AFF2: variants seen among roughly 807,000 people sequenced by gnomAD.
The protein encoded by AFF2 is AF4/FMR2 family member 2.
AFF2 carries 14 observed loss-of-function variants against 76.9 expected under a neutral mutation model. The observed-to-expected ratio is 0.18, with a 90% CI of 0.12 to 0.28. AFF2 has a LOEUF of 0.28. Among genes scored for constraint, AFF2 ranks in the 10% least tolerant of loss-of-function variants. The pLI, the probability that AFF2 is intolerant of heterozygous loss-of-function variation, is 1.00. For synonymous variants in AFF2, 398 were observed against 366.7 expected, an observed-to-expected ratio of 1.09 and a Z score of -0.98; for missense variants, 868 against 1,001.1, an observed-to-expected ratio of 0.87 and a Z score of 1.79.
At chrX:148,514,477 A>G (rs1049323657) in intron 1 of AFF2, among the ~76,000 whole-genome samples, 3 of 112,583 alleles carry the variant, frequency 2.7e-5, no homozygotes, top group Non-Finnish European at 5.6e-5. Context: ...TCCTGAACAT[A>G]GTTCTGATAT....
intron 7 of AFF2, among the ~76,000 whole-genome samples, chrX:148,863,083 T>C (rs782772612): frequency 8.9e-6 from 1 of 112,205 alleles, no homozygotes; most frequent in African/African-American, 3.2e-5. Context: ...ATTTGGACTA[T>C]ATTGTAACAG....
chrX:148,850,167 TAA>T (rs782194999), intron 7 of AFF2, among the ~76,000 whole-genome samples: 14 of 111,206 alleles, frequency 1.3e-4, no homozygotes, highest in Admixed American at 3.8e-4. Flanking sequence ...AAAATTCATA[TAA>T]GATTGATTTT....
chrX:148,529,433 C>T (rs899604457), intron 1 of AFF2, among the ~76,000 whole-genome samples: 2 of 112,379 alleles, frequency 1.8e-5, no homozygotes, highest in Non-Finnish European at 3.8e-5. Context: ...TAGGTCAACA[C>T]AGCTACAGCA....
chrX:148,689,027 C>T (rs1273357699), intron 3 of AFF2, among the ~76,000 whole-genome samples: 1 of 111,869 alleles, frequency 8.9e-6, no homozygotes, highest in Non-Finnish European at 1.9e-5. Context: ...TGTACTACAG[C>T]CTGTGTGGTT....
At chrX:148,598,108 T>C (rs2053592619) in intron 1 of AFF2, among the ~76,000 whole-genome samples, 1 of 112,304 alleles carries the variant, frequency 8.9e-6, no homozygotes, top group Non-Finnish European at 1.9e-5. Context: ...TAATAATTAA[T>C]GTTTGATTTA....
intron 1 of AFF2, among the ~76,000 whole-genome samples, chrX:148,642,013 A>C (rs1168405045): frequency 1.8e-5 from 2 of 112,496 alleles, no homozygotes; most frequent in Admixed American, 1.9e-4. Context: ...TTAACTCACA[A>C]CAGGGTTACC....
chrX:148,985,157 G>C (rs950856201), intron 19 of AFF2, among the ~76,000 whole-genome samples: 5 of 108,318 alleles, frequency 4.6e-5, no homozygotes, highest in African/African-American at 6.7e-5. Flanking sequence ...GCTAATTTTC[G>C]TATTTTTAGT....
chrX:148,899,643 A>G (rs1189403454), intron 8 of AFF2, among the ~76,000 whole-genome samples: 1 of 112,066 alleles, frequency 8.9e-6, no homozygotes, highest in Non-Finnish European at 1.9e-5. Flanking sequence ...GTTTGGATGT[A>G]TCTGCTAGTA....
chrX:148,631,545 C>A (rs1344086852), intron 1 of AFF2, among the ~76,000 whole-genome samples: 2 of 112,128 alleles, frequency 1.8e-5, no homozygotes, highest in Non-Finnish European at 1.9e-5. Context: ...CCCTATTATT[C>A]TTTCCCCACA....
chrX:148,668,676 A>G lies in AFF2; in HGVS notation c.1041+5908A>G, dbSNP rs1438602459. Among the ~76,000 whole-genome samples, 2 of 112,157 alleles carry G rather than the reference A, an allele frequency of 1.8e-5. 1 individual carries two copies. Among genetic ancestry groups the G allele is most frequent in the African/African-American group, 6.5e-5 (2 of 30,851 alleles). ...CCTTTTAGCCATGGCTGGAGCAACT[A>G]GAATGCAGGGTACCAAGTCCCTAGG... On this transcript the variant is annotated intron_variant, in intron 3 of 20. Transcript: ENST00000370460.
chrX:148,856,709 G>A (rs2070790010), intron 7 of AFF2, among the ~76,000 whole-genome samples: 1 of 112,318 alleles, frequency 8.9e-6, no homozygotes, highest in Admixed American at 9.4e-5. Context: ...ATAATTTGCT[G>A]AGTCATAATT....
intron 3 of AFF2, among the ~76,000 whole-genome samples, chrX:148,768,948 T>C (rs1557267931): frequency 8.9e-6 from 1 of 112,233 alleles, no homozygotes; most frequent in Non-Finnish European, 1.9e-5. Flanking sequence ...TGTCACTTCT[T>C]TTTTATTTCA....
chrX:148,949,362 G>A lies in AFF2; in HGVS notation c.1398-4218G>A, dbSNP rs139949906. 4.0e-3 allele frequency among the ~76,000 whole-genome samples: 438 copies of A among 110,573 alleles called. 2 individuals carry two copies. Among genetic ancestry groups the A allele is most frequent in the Non-Finnish European group, 6.5e-3 (344 of 52,897 alleles). On this transcript the variant is annotated intron_variant, in intron 9 of 20. Transcript: ENST00000370460. The stretch of plus-strand genomic sequence containing the variant: ...CTCAAGCTTTCCACCAGGGTCAACC[G>A]TGTCTGGAGAAGGCACCTTAAACGC...
chrX:148,812,242 T>C (rs1464291128), intron 4 of AFF2, among the ~76,000 whole-genome samples: 3 of 111,448 alleles, frequency 2.7e-5, no homozygotes, highest in Non-Finnish European at 5.6e-5. Context: ...CGCAGTAAAT[T>C]TGTCACCTCA....
At chrX:148,815,824 A>G (rs1279678984) in intron 4 of AFF2, among the ~76,000 whole-genome samples, 2 of 111,705 alleles carry the variant, frequency 1.8e-5, no homozygotes, top group African/African-American at 6.5e-5. Context: ...TGTCCAGAGA[A>G]TGAGCAAGAG....
chrX:148,716,935 C>T (rs1339812493), intron 3 of AFF2, among the ~76,000 whole-genome samples: 1 of 110,917 alleles, frequency 9.0e-6, no homozygotes, highest in Non-Finnish European at 1.9e-5. Context: ...ATGATAAGCA[C>T]AATAAGGAAA....
At chrX:148,757,794 T>C (rs1323612031) in intron 3 of AFF2, among the ~76,000 whole-genome samples, 1 of 112,109 alleles carries the variant, frequency 8.9e-6, no homozygotes, top group Non-Finnish European at 1.9e-5. Context: ...TTCACTCTTA[T>C]TTTTGTTCTT....
chrX:148,832,177 AAGGAAGGAAGGAGGG>A (rs2070462759), intron 4 of AFF2, among the ~76,000 whole-genome samples: 1 of 111,631 alleles, frequency 9.0e-6, no homozygotes, highest in African/African-American at 3.3e-5. Context: ...AGAAAAACTG[AAGGAAGGAAGGAGGG>A]AGGAAGGAAG....
chrX:148,873,136 A>C (rs1264160691), intron 7 of AFF2, among the ~76,000 whole-genome samples: 1 of 111,580 alleles, frequency 9.0e-6, no homozygotes, highest in African/African-American at 3.3e-5. Context: ...GGGACATTGC[A>C]CAGAGAGATT....
Sources: gnomAD v4.1 joint callset for allele counts (sites outside exome capture counted in the v4.1 genomes callset) on GRCh38, gnomAD v4.1.1 for gene constraint, MANE v1.5 for transcripts, NCBI Gene and HGNC (gene_info 2026-07-23, HGNC 2026-07-21) for gene names.